AUTS2: variants seen among roughly 807,000 people sequenced by gnomAD.
AUTS2 encodes the protein activator of transcription and developmental regulator AUTS2.
AUTS2 carries 17 observed loss-of-function variants against 112.4 expected under a neutral mutation model. The observed-to-expected ratio is 0.15, with a 90% CI of 0.10 to 0.23. AUTS2 has a LOEUF of 0.23. Ranked by LOEUF, AUTS2 falls within the 10% of genes least tolerant of loss-of-function variation. AUTS2 has a pLI of 1.00. For missense variants in AUTS2, 1,510 were observed against 1,701.6 expected (o/e 0.89, Z 1.98); for synonymous variants, 751 against 702.7 (o/e 1.07, Z -1.09).
chr7:69,639,534 C>G (rs1794707005), intron 1 of AUTS2, among the ~76,000 whole-genome samples: 1 of 152,218 alleles, frequency 6.6e-6, no homozygotes. Flanking sequence ...GAACCTAGAA[C>G]TTAACGCCTG....
intron 5 of AUTS2, among the ~76,000 whole-genome samples, chr7:70,690,417 G>A (rs1433355884): frequency 3.3e-5 from 5 of 152,144 alleles, no homozygotes; most frequent in Non-Finnish European, 5.9e-5. Context: ...CGAAAGGTTC[G>A]AGGAAATTCT....
intron 1 of AUTS2, among the ~76,000 whole-genome samples, chr7:69,828,305 A>T (rs1791344512): frequency 6.6e-6 from 1 of 152,150 alleles, no homozygotes; most frequent in Non-Finnish European, 1.5e-5. Flanking sequence ...CTTGATTTTG[A>T]TGAAGAGAAG....
intron 4 of AUTS2, among the ~76,000 whole-genome samples, chr7:70,420,307 G>A (rs1795166605): frequency 6.6e-6 from 1 of 152,114 alleles, no homozygotes; most frequent in African/African-American, 2.4e-5. Flanking sequence ...TGTAGGTCTT[G>A]CTTGAGTCTT....
intron 4 of AUTS2, among the ~76,000 whole-genome samples, chr7:70,409,038 C>G (rs1357165587): frequency 1.3e-5 from 2 of 152,196 alleles, no homozygotes; most frequent in Non-Finnish European, 2.9e-5. Flanking sequence ...TGGCACGTCA[C>G]ATGAAGGAAC....
chr7:69,714,518 T>C (rs1798506808), intron 1 of AUTS2, among the ~76,000 whole-genome samples: 1 of 152,166 alleles, frequency 6.6e-6, no homozygotes, highest in Non-Finnish European at 1.5e-5. Flanking sequence ...GTTGTCTATA[T>C]ATGTGTGATC....
intron 5 of AUTS2, among the ~76,000 whole-genome samples, chr7:70,555,632 C>G (rs1171063656): frequency 6.6e-6 from 1 of 152,128 alleles, no homozygotes; most frequent in African/African-American, 2.4e-5. Context: ...TTTGGGAAGT[C>G]TAACCTTCTC....
chr7:70,732,940 G>C (rs1050635488), intron 6 of AUTS2, among the ~76,000 whole-genome samples: 4 of 152,278 alleles, frequency 2.6e-5, no homozygotes, highest in African/African-American at 9.6e-5. Flanking sequence ...AGGAACTGTG[G>C]TTTAGGAGGT....
intron 2 of AUTS2, among the ~76,000 whole-genome samples, chr7:69,977,376 A>C (rs532237066): frequency 3.3e-5 from 5 of 152,280 alleles, no homozygotes; most frequent in Admixed American, 2.0e-4. Context: ...AGAAAGTTTA[A>C]GTCCTTTAAC....
At chr7:70,577,818 A>T (rs113713989) in intron 5 of AUTS2, among the ~76,000 whole-genome samples, 1,747 of 105,634 alleles carry the variant, frequency 0.017, 23 homozygotes, top group African/African-American at 0.062. Flanking sequence ...GTTTTTTTTT[A>T]ATTTTTTTCT....
chr7:70,565,111 A>G (rs1801653875), intron 5 of AUTS2, among the ~76,000 whole-genome samples: 2 of 152,152 alleles, frequency 1.3e-5, no homozygotes, highest in Non-Finnish European at 2.9e-5. Context: ...AAATAAATAA[A>G]TAAATAAAAA....
At chr7:69,929,826 T>C (rs143859518) in intron 2 of AUTS2, among the ~76,000 whole-genome samples, 104 of 152,350 alleles carry the variant, frequency 6.8e-4, no homozygotes, top group African/African-American at 2.4e-3. Flanking sequence ...TTTCACTTTA[T>C]TGATTATTCT....
At chr7:70,344,612 T>C (rs1791411616) in intron 4 of AUTS2, among the ~76,000 whole-genome samples, 1 of 152,204 alleles carries the variant, frequency 6.6e-6, no homozygotes, top group African/African-American at 2.4e-5. Flanking sequence ...TCAGTGACCT[T>C]ATTTTAAAAG....
chr7:70,411,015 C>T (rs1021213785), intron 4 of AUTS2, among the ~76,000 whole-genome samples: 1 of 151,930 alleles, frequency 6.6e-6, no homozygotes, highest in Non-Finnish European at 1.5e-5. Context: ...AGGCACCCAC[C>T]ACCATGCCTG....
At chr7:70,753,339 A>G (rs568091101) in intron 6 of AUTS2, among the ~76,000 whole-genome samples, 13 of 152,266 alleles carry the variant, frequency 8.5e-5, no homozygotes, top group Non-Finnish European at 1.5e-5. Flanking sequence ...ACTTCAGCCC[A>G]CAGCTCAGCC....
chr7:70,091,507 G>C (rs927986553), intron 2 of AUTS2, among the ~76,000 whole-genome samples: 1 of 152,024 alleles, frequency 6.6e-6, no homozygotes, highest in African/African-American at 2.4e-5. Context: ...TTACTACCAG[G>C]AATCTGATGT....
intron 5 of AUTS2, among the ~76,000 whole-genome samples, chr7:70,465,432 G>T (rs1797133841): frequency 6.6e-6 from 1 of 152,194 alleles, no homozygotes; most frequent in East Asian, 1.9e-4. Flanking sequence ...ACATTGGCCA[G>T]AAGCTGGAGA....
chr7:70,652,597 G>A (rs1162756348), intron 5 of AUTS2, among the ~76,000 whole-genome samples: 4 of 152,162 alleles, frequency 2.6e-5, no homozygotes, highest in South Asian at 2.1e-4. Context: ...TTTCAAGAAT[G>A]GTTTTGGCCA....
intron 1 of AUTS2, among the ~76,000 whole-genome samples, chr7:69,619,444 C>G (rs1000846122): frequency 5.9e-5 from 9 of 152,118 alleles, no homozygotes; most frequent in African/African-American, 2.2e-4. Flanking sequence ...CATACCTTCA[C>G]AGGAAGGCTC....
intron 1 of AUTS2, among the ~76,000 whole-genome samples, chr7:69,709,479 C>G (rs1562826771): frequency 6.6e-6 from 1 of 152,090 alleles, no homozygotes; most frequent in African/African-American, 2.4e-5. Flanking sequence ...AACTTCTCAC[C>G]CTGTGTTGAA....
Sources: allele counts gnomAD v4.1 joint callset (sites outside exome capture counted in the v4.1 genomes callset), GRCh38; gene constraint gnomAD v4.1.1; transcripts MANE v1.5; gene names NCBI Gene and HGNC (gene_info 2026-07-23, HGNC 2026-07-21).